The following PCBP4 variants were observed in gnomAD, a reference collection of about 807,000 sequenced individuals.
PCBP4 encodes poly(rC) binding protein 4, also known as poly(rC)-binding protein 4.
In PCBP4, 24 loss-of-function variants were observed where a neutral mutation model predicts 46.2. That is an observed-to-expected ratio of 0.52 (90% CI 0.38 to 0.73). The LOEUF (loss-of-function observed/expected upper bound fraction) is 0.73, where lower values mean the gene tolerates loss of function less well. Ranked by LOEUF, PCBP4 falls within the 30% of genes least tolerant of loss-of-function variation. The pLI is 0.00. For synonymous variants in PCBP4, 203 were observed against 224.4 expected, an observed-to-expected ratio of 0.90 and a Z score of 0.85; for missense variants, 407 against 537.0, an observed-to-expected ratio of 0.76 and a Z score of 2.39.
Position 51,960,527 on chromosome 3 carries a change from T to C in PCBP4, c.254A>G (p.Glu85Gly). 6.2e-7 allele frequency: 1 copy of C among 1,610,490 alleles called. No individual in the cohort carries two copies. The highest frequency in any genetic ancestry group is 8.5e-7 in the Non-Finnish European group (1 of 1,176,716). ...AVSMIAFKLD[E>G]DLCAAPANGG... is the part of the protein sequence containing the mutation. ...GTCCTGCCCTGGCCAGCCACGGACC[T>C]CATCCAGTTTGAAAGCAATCATGGA... Residue 85 changes from glutamate to glycine, a missense_variant and splice_region_variant, in exon 6 of 14, where the codon GAG becomes GGG. By Grantham distance (98) the Glu-to-Gly change is moderately conservative. Coordinates refer to ENST00000461554, the MANE Select transcript of PCBP4 (RefSeq NM_001174100.2). The surrounding 1 kb of genome is among the most constrained non-coding windows in gnomAD (Gnocchi z 5.0).
rs761882223 is a variant in PCBP4, at chr3:51,960,195, G to T, written c.381C>A (p.Ile127=). 2.7e-5 allele frequency: 44 copies of T among 1,613,970 alleles called. No individual in the cohort carries two copies. Among genetic ancestry groups the T allele is most frequent in the Admixed American group, 5.0e-5 (3 of 60,008 alleles). ...IGKAGTKIKE[I]RETTGAQVQV... The stretch of plus-strand genomic sequence containing the variant: ...GGTATATCTCGCCCCTCACCTCTCG[G>T]ATCTCCTTGATCTTGGTGCCAGCCT... The change falls in exon 7 of 14, where the codon ATC becomes ATA. Residue 127 remains isoleucine, a synonymous_variant. Coordinates refer to ENST00000461554, the MANE Select transcript of PCBP4 (RefSeq NM_001174100.2). This position sits in a 1 kb window ranked among gnomAD's most constrained non-coding sequence, Gnocchi z 5.0.
chr3:51,958,238 C>A lies in PCBP4; in HGVS notation c.1035G>T (p.Leu345=). The A allele has an allele frequency of 1.2e-6, 2 of 1,607,488 alleles. No homozygotes were observed. The highest frequency in any genetic ancestry group is 8.5e-7 in the Non-Finnish European group (1 of 1,177,006). The change falls in exon 14 of 14, where the codon CTG becomes CTT. Residue 345 remains leucine (L), a synonymous_variant. Coordinates refer to ENST00000461554, the MANE Select transcript of PCBP4 (RefSeq NM_001174100.2). This position sits in a 1 kb window ranked among gnomAD's most constrained non-coding sequence, Gnocchi z 5.4. ...GGGAGATGGCATAGGGTGTGCCCAG[C>A]AGGCCAGGGGGAGCTGTGGGCAGGG... The part of the protein sequence containing the change: ...LTALPTAPPG[L]LGTPYAISLS...
In PCBP4 at chr3:51,958,145, C is replaced by T. The variant is rs375003631; in HGVS notation, c.1128G>A (p.Pro376=). 10 of 1,611,840 alleles carry T rather than the reference C, an allele frequency of 6.2e-6. No homozygotes were observed. Among genetic ancestry groups the T allele is most frequent in the Non-Finnish European group, 8.5e-6 (10 of 1,179,040 alleles). ...TGGCAGTGTAGGCCGCCAAGCCCGG[C>T]GGCGGCCCTGGGGAAGCAGGTGGTA... ...LALPPASPGP[P]PGLAAYTAKM... Residue 376 remains proline, a synonymous_variant, in exon 14 of 14, where the codon CCG becomes CCA. Coordinates refer to ENST00000461554, the MANE Select transcript of PCBP4 (RefSeq NM_001174100.2). The surrounding 1 kb of genome is among the most constrained non-coding windows in gnomAD (Gnocchi z 5.4).
At position 51,960,353 on chromosome 3, in the gene PCBP4, C is replaced by A; in HGVS notation, c.256-33G>T. 6 of 1,606,180 alleles carry A rather than the reference C, an allele frequency of 3.7e-6. No individual in the cohort carries two copies. The highest frequency in any genetic ancestry group is 5.1e-6 in the Non-Finnish European group (6 of 1,175,696). ...AGGGAGACGGTGGGTTGGCCATGCT[C>A]GTCCCTGCTATATCTGCCCAGGGGT... On this transcript the variant is annotated intron_variant, in intron 6 of 13. Transcript: ENST00000461554. This position sits in a 1 kb window ranked among gnomAD's most constrained non-coding sequence, Gnocchi z 5.0.
chr3:51,959,070 G>A lies in PCBP4; in HGVS notation c.730C>T (p.Gln244Ter). The change falls in exon 12 of 14, where the codon CAG becomes TAG. Residue 244 changes from glutamine to a stop codon, truncating the protein, a stop_gained. Transcript: ENST00000461554. LOFTEE classifies it high-confidence loss of function. The surrounding 1 kb of genome is among the most constrained non-coding windows in gnomAD (Gnocchi z 5.6). ...ACATCGTTGGGAACCAAGAACTCCT[G>A]TGAGCTGGTCTGTGTGCCGGGATCC... ...GLDPGTQTSSQEFLVPNDLIG... is the reference protein window; with the variant it reads ...GLDPGTQTSS 6.2e-7 allele frequency: 1 copy of A among 1,613,952 alleles called. No homozygotes were observed. The highest frequency in any genetic ancestry group is 8.5e-7 in the Non-Finnish European group (1 of 1,179,960).
intron 1 of PCBP4, 95 bp downstream of exon 1, chr3:51,967,231 C>A (rs1164519522): frequency 2.6e-5 from 4 of 152,286 alleles, no homozygotes; most frequent in Admixed American, 2.6e-4. Context: ...CACAAACCTG[C>A]GACCCCAACC....
rs751686795 is a variant in PCBP4, at chr3:51,960,093, G to A, written c.388-70C>T. On this transcript the variant is annotated intron_variant, in intron 7 of 13. Transcript: ENST00000461554. The surrounding 1 kb of genome is among the most constrained non-coding windows in gnomAD (Gnocchi z 5.0). ...CAGAAAAGGGCTGCCCAGGCTCAGA[G>A]CTCTCTAGGTGGGGAGGACGCCATA... 6.2e-7 allele frequency: 1 copy of A among 1,614,118 alleles called. No individual in the cohort carries two copies. The highest frequency in any genetic ancestry group is 8.5e-7 in the Non-Finnish European group (1 of 1,179,934).
At chr3:51,964,254 C>G (rs575372619) in intron 1 of PCBP4, among the ~76,000 whole-genome samples, 274 of 152,324 alleles carry the variant, frequency 1.8e-3, no homozygotes, top group African/African-American at 6.3e-3. Context: ...GCCCCTCCCC[C>G]CCAGCTGTCT....
Position 51,958,036 on chromosome 3 carries a change from G to A in PCBP4, c.*25C>T. ...CAGCCCCCTGCTGGTGGTCCTGCCT[G>A]CCCCTGCCTGTACCTCAGCTGGCCT... On this transcript the variant is annotated 3_prime_UTR_variant, in exon 14 of 14. Transcript: ENST00000461554. The surrounding 1 kb of genome is among the most constrained non-coding windows in gnomAD (Gnocchi z 5.4). 1 of 1,518,870 alleles carries A rather than the reference G, an allele frequency of 6.6e-7. No homozygotes were observed. Among genetic ancestry groups the A allele is most frequent in the Non-Finnish European group, 8.8e-7 (1 of 1,135,362 alleles). 94.1% of individuals were successfully genotyped at this position (1,518,870 alleles called of 1,614,324 possible). A position where few individuals can be genotyped will look rare whatever the true frequency, so the allele number is the denominator to read the frequency against.
chr3:51,965,776 TCC>T (rs2106775591), intron 1 of PCBP4, among the ~76,000 whole-genome samples: 1 of 152,218 alleles, frequency 6.6e-6, no homozygotes, highest in African/African-American at 2.4e-5. Flanking sequence ...TTTCTCAGCA[TCC>T]CCAGCCCTAC....
At chr3:51,967,036 G>A (rs562014697) in intron 1 of PCBP4, among the ~76,000 whole-genome samples, 1 of 152,290 alleles carries the variant, frequency 6.6e-6, no homozygotes, top group East Asian at 1.9e-4. Flanking sequence ...CCAGAACCCA[G>A]GGCAGGAGTC....
chr3:51,958,112 T>A lies in PCBP4; in HGVS notation c.1161A>T (p.Ala387=). ...CAGCCTTCTTGCTCCCATTAGCTGC[T>A]GCCATCTTGGCAGTGTAGGCCGCCA... is the stretch of plus-strand genomic sequence containing the variant. The part of the protein sequence containing the change: ...PGLAAYTAKM[A]AANGSKKAER... The change falls in exon 14 of 14, where the codon GCA becomes GCT. Residue 387 remains alanine (A), a synonymous_variant. Transcript: ENST00000461554. This position sits in a 1 kb window ranked among gnomAD's most constrained non-coding sequence, Gnocchi z 5.4. 1.9e-6 allele frequency: 3 copies of A among 1,596,900 alleles called. No homozygotes were observed. Among genetic ancestry groups the A allele is most frequent in the Non-Finnish European group, 2.6e-6 (3 of 1,172,744 alleles).
chr3:51,959,670 G>A lies in PCBP4; in HGVS notation c.517-19C>T. On this transcript the variant is annotated intron_variant, in intron 8 of 13. Transcript: ENST00000461554. This position sits in a 1 kb window ranked among gnomAD's most constrained non-coding sequence, Gnocchi z 5.6. ...GTGGGGACTGGAAGGCATAAACAGGGCTCTGTCAGGACCCTCTCAGGCTCC... is the reference window on the plus strand; with the variant it reads ...GTGGGGACTGGAAGGCATAAACAGGACTCTGTCAGGACCCTCTCAGGCTCC... 6.5e-7 allele frequency: 1 copy of A among 1,548,472 alleles called. No individual in the cohort carries two copies. Among genetic ancestry groups the A allele is most frequent in the South Asian group, 1.2e-5 (1 of 84,054 alleles).
intron 1 of PCBP4, among the ~76,000 whole-genome samples, chr3:51,965,723 C>T (rs1179766788): frequency 1.3e-5 from 2 of 152,202 alleles, no homozygotes; most frequent in Non-Finnish European, 2.9e-5. Context: ...GGGCCAGCCA[C>T]ATGGGCAGAG....
chr3:51,965,016 C>T (rs1188429578), intron 1 of PCBP4, among the ~76,000 whole-genome samples: 1 of 152,186 alleles, frequency 6.6e-6, no homozygotes, highest in East Asian at 1.9e-4. Context: ...ATTAGGCAGC[C>T]CCCAGGAGTC....
chr3:51,962,755 CCTT>C (rs1418422863), intron 1 of PCBP4: 2 of 152,292 alleles, frequency 1.3e-5, no homozygotes, highest in Admixed American at 6.5e-5. Flanking sequence ...CAGCCTGGCT[CCTT>C]CTCAGAAGTC....
chr3:51,959,421 C>T lies in PCBP4; in HGVS notation c.592-10G>A. ...CCTGGACAGAGAAGCCCTGTGGGGA[C>T]AAAGTGGATGAAAAGGGGGTTACTG... is the stretch of plus-strand genomic sequence containing the variant. On this transcript the variant is annotated splice_polypyrimidine_tract_variant and intron_variant, in intron 9 of 13. Transcript: ENST00000461554. This position sits in a 1 kb window ranked among gnomAD's most constrained non-coding sequence, Gnocchi z 5.6. 6.2e-7 allele frequency: 1 copy of T among 1,601,108 alleles called. No individual in the cohort carries two copies. The highest frequency in any genetic ancestry group is 8.5e-7 in the Non-Finnish European group (1 of 1,172,516).
rs1274763630 is a variant in PCBP4 at position 51,959,097 on chromosome 3, G to A, written c.703C>T (p.Leu235=). ...PFATPSVVPG[L]DPGTQTSSQE... is the part of the protein sequence containing the mutation. Reference sequence around the variant, plus strand: ...GAGCTGGTCTGTGTGCCGGGATCCAGTCCTGAGGGGGAGAAGAGGGACTGA... The same window carrying A: ...GAGCTGGTCTGTGTGCCGGGATCCAATCCTGAGGGGGAGAAGAGGGACTGA... Residue 235 remains leucine (L), a splice_region_variant and synonymous_variant, in exon 12 of 14, where the codon CTG becomes TTG. Transcript: ENST00000461554. The surrounding 1 kb of genome is among the most constrained non-coding windows in gnomAD (Gnocchi z 5.6). 6.2e-7 allele frequency: 1 copy of A among 1,613,914 alleles called. No homozygotes were observed.
rs944624075 is a variant in PCBP4, at chr3:51,959,014, A to G, written c.753+33T>C. ...TGAGGTCCAGACCCCCAGACCCCCT[A>G]CCCACCCTCCAGCCATCCCATCCCC... On this transcript the variant is annotated intron_variant, in intron 12 of 13. Transcript: ENST00000461554. The surrounding 1 kb of genome is among the most constrained non-coding windows in gnomAD (Gnocchi z 5.6). 1 of 1,612,802 alleles carries G rather than the reference A, an allele frequency of 6.2e-7. No homozygotes were observed. Among genetic ancestry groups the G allele is most frequent in the African/African-American group, 1.3e-5 (1 of 74,792 alleles).
Sources: gnomAD v4.1 joint callset for allele counts (sites outside exome capture counted in the v4.1 genomes callset) on GRCh38, gnomAD v4.1.1 for gene constraint, Gnocchi (gnomAD v3.1) non-coding constraint, MANE v1.5 for transcripts, NCBI Gene and HGNC (gene_info 2026-07-23, HGNC 2026-07-21) for gene names.